Variants in SNUPN observed in about 807,000 individuals in gnomAD.
SNUPN encodes the protein snurportin 1.
Under a neutral mutation model 39.2 loss-of-function variants are expected in SNUPN, and 31 were observed. The ratio of observed to expected loss-of-function variants is 0.79; its 90% CI spans 0.59 to 1.07. The LOEUF is 1.07. SNUPN is among the 50% of genes least tolerant of loss of function. The pLI is 0.00. For synonymous variants in SNUPN, 132 were observed against 159.0 expected, an observed-to-expected ratio of 0.83 and a Z score of 1.28; for missense variants, 382 against 434.2, an observed-to-expected ratio of 0.88 and a Z score of 1.07.
At chr15:75,624,094 A>AT (rs1212954504) in intron 1 of SNUPN, among the ~76,000 whole-genome samples, 2 of 147,954 alleles carry the variant, frequency 1.4e-5, no homozygotes, top group Non-Finnish European at 3.0e-5. Context: ...CGCCCGGCTA[A>AT]TTTTTTGTAT....
chr15:75,617,602 T>G (rs920276400), intron 2 of SNUPN, 50 bp from the exon 3 acceptor site: 1 of 1,566,250 alleles, frequency 6.4e-7, no homozygotes, highest in Non-Finnish European at 8.6e-7. Context: ...CTTTTTTTTT[T>G]TTTAGACAGG....
At chr15:75,598,799 G>T (rs1054769333) in intron 8 of SNUPN, 118 bp from the exon 9 acceptor site, 4 of 698,102 alleles carry the variant, frequency 5.7e-6, no homozygotes, top group African/African-American at 5.3e-5. Flanking sequence ...GTCACTGACA[G>T]AGGAAAGAGT....
chr15:75,603,593 G>A (rs905347858), intron 7 of SNUPN, among the ~76,000 whole-genome samples: 12 of 150,380 alleles, frequency 8.0e-5, no homozygotes, highest in Admixed American at 4.0e-4. Context: ...CCTGGGAGGC[G>A]GAGCTTGCAG....
Position 75,607,247 on chromosome 15 carries a change from C to A in SNUPN, c.569G>T (p.Cys190Phe). The change falls in exon 6 of 9, where the codon TGC becomes TTC. Residue 190 changes from cysteine to phenylalanine, a missense_variant. Coordinates refer to ENST00000308588, the MANE Select transcript of SNUPN (RefSeq NM_005701.4). ...NQTYYVLDVMCWRGHPFYDCQ... is the reference protein window; with the variant it reads ...NQTYYVLDVMFWRGHPFYDCQ... Reference sequence around the variant, plus strand: ...ATCATAAAAAGGGTGTCCCCGCCAGCACATCACATCCAGAACGTAGTAGGT... The same window carrying A: ...ATCATAAAAAGGGTGTCCCCGCCAGAACATCACATCCAGAACGTAGTAGGT... The A allele has an allele frequency of 6.2e-7, 1 of 1,613,764 alleles. No individual in the cohort carries two copies. Among genetic ancestry groups the A allele is most frequent in the Middle Eastern group, 1.7e-4 (1 of 6,052 alleles).
At chr15:75,623,809 C>A (rs1893139426) in intron 1 of SNUPN, among the ~76,000 whole-genome samples, 1 of 151,798 alleles carries the variant, frequency 6.6e-6, no homozygotes, top group African/African-American at 2.4e-5. Context: ...ACTGAGGCCT[C>A]ATGATGAGTG....
At chr15:75,621,165 T>G in intron 1 of SNUPN, 109 bp from the exon 2 acceptor site, 1 of 1,064,934 alleles carries the variant, frequency 9.4e-7, no homozygotes, top group Non-Finnish European at 1.4e-6. Context: ...AAAAATTAAC[T>G]TAATGCAAAA....
At chr15:75,613,642 CAA>C (rs58623437) in intron 3 of SNUPN, among the ~76,000 whole-genome samples, 9 of 128,538 alleles carry the variant, frequency 7.0e-5, no homozygotes, top group Admixed American at 1.7e-4. Flanking sequence ...GACTCCAACT[CAA>C]AAAAAAAAAA....
At chr15:75,612,154 TC>T (rs1394945670) in intron 3 of SNUPN, among the ~76,000 whole-genome samples, 1 of 151,198 alleles carries the variant, frequency 6.6e-6, no homozygotes, top group East Asian at 2.0e-4. Context: ...CATTTTAGCC[TC>T]CCTAGTAGCC....
In SNUPN at chr15:75,624,317, T is replaced by C. The variant is rs572565925; in HGVS notation, c.-6+1349A>G. 7.3e-5 allele frequency among the ~76,000 whole-genome samples: 11 copies of C among 151,512 alleles called. No homozygotes were observed. The South Asian group carries it at 2.3e-3, about 32-fold the overall frequency. ...CACCTTTATTAGGCCTATCATGCAC[T>C]ATCTTGGTGTGGGCTCCCGCTCTGC... On this transcript the variant is annotated intron_variant, in intron 1 of 8. Coordinates refer to ENST00000308588, the MANE Select transcript of SNUPN (RefSeq NM_005701.4).
chr15:75,620,196 C>T (rs1893033149), intron 2 of SNUPN, among the ~76,000 whole-genome samples: 2 of 152,142 alleles, frequency 1.3e-5, no homozygotes, highest in African/African-American at 4.8e-5. Flanking sequence ...CAAACACAAC[C>T]AGTGATGCAA....
At chr15:75,618,427 A>C (rs1892989783) in intron 2 of SNUPN, among the ~76,000 whole-genome samples, 1 of 152,226 alleles carries the variant, frequency 6.6e-6, no homozygotes, top group Non-Finnish European at 1.5e-5. Flanking sequence ...CTTTCAAAAA[A>C]GGTCACTTAG....
intron 8 of SNUPN, among the ~76,000 whole-genome samples, chr15:75,600,476 T>C (rs948910703): frequency 2.8e-4 from 43 of 152,124 alleles, no homozygotes; most frequent in African/African-American, 9.9e-4. Flanking sequence ...GGTTTTGCCA[T>C]GTTGGCCAGG....
Position 75,598,425 on chromosome 15 carries a change from A to C in SNUPN, c.1016T>G (p.Leu339Arg), listed in dbSNP as rs939738863. 53 of 1,614,262 alleles carry C rather than the reference A, an allele frequency of 3.3e-5. No homozygotes were observed. Among genetic ancestry groups the C allele is most frequent in the Non-Finnish European group, 4.4e-5 (52 of 1,180,046 alleles). ...AGAACCCTTCAACTTGGGAGTAGAC[A>C]GGTGCTCCAATTCATAGTGCCCATT... ...SENGHYELEH[L>R]STPKLKGSSH... is the part of the protein sequence containing the mutation. The change falls in exon 9 of 9, where the codon CTG becomes CGG. Residue 339 changes from leucine (L) to arginine (R), a missense_variant. Leu to Arg is a moderately radical substitution (Grantham distance 102). Transcript: ENST00000308588.
intron 3 of SNUPN, among the ~76,000 whole-genome samples, chr15:75,611,987 A>C (rs1167479225): frequency 1.3e-5 from 2 of 151,470 alleles, no homozygotes; most frequent in Non-Finnish European, 2.9e-5. Context: ...CCTACCCCAC[A>C]GTCCTACTGA....
At chr15:75,600,442 T>G (rs1463201754) in intron 8 of SNUPN, among the ~76,000 whole-genome samples, 1 of 152,014 alleles carries the variant, frequency 6.6e-6, no homozygotes, top group Non-Finnish European at 1.5e-5. Context: ...GCCCAGCTAA[T>G]TTTTGTATTT....
chr15:75,611,464 G>A (rs1185947526), intron 3 of SNUPN, among the ~76,000 whole-genome samples: 3 of 151,482 alleles, frequency 2.0e-5, no homozygotes, highest in Non-Finnish European at 2.9e-5. Flanking sequence ...GTGTTAGCCA[G>A]GATGGTCTCG....
At chr15:75,621,298 T>C (rs114379770) in intron 1 of SNUPN, among the ~76,000 whole-genome samples, 322 of 148,508 alleles carry the variant, frequency 2.2e-3, no homozygotes, top group African/African-American at 7.4e-3. Context: ...TCTCTCTCTA[T>C]CACCCAGGTC....
chr15:75,613,467 A>G (rs1892848291), intron 3 of SNUPN, among the ~76,000 whole-genome samples: 1 of 150,376 alleles, frequency 6.6e-6, no homozygotes, highest in African/African-American at 2.4e-5. Flanking sequence ...ATACGCTGAA[A>G]CCCCGTCTCT....
chr15:75,609,901 C>A lies in SNUPN; in HGVS notation c.397G>T (p.Val133Leu). 1 of 1,613,740 alleles carries A rather than the reference C, an allele frequency of 6.2e-7. No homozygotes were observed. The highest frequency in any genetic ancestry group is 8.5e-7 in the Non-Finnish European group (1 of 1,179,732). Residue 133 changes from valine to leucine, a missense_variant, in exon 4 of 9, where the codon GTG becomes TTG. Transcript: ENST00000308588. ...AGGCAGCTACTCACCCTGGAGGCCA[C>A]GATAAGGGCTCTTTTTCCAACAGGG... ...VCPVGKRALI[V>L]ASRGSTSAYT...
Sources: gnomAD v4.1 joint callset for allele counts (sites outside exome capture counted in the v4.1 genomes callset) on GRCh38, gnomAD v4.1.1 for gene constraint, MANE v1.5 for transcripts, NCBI Gene and HGNC (gene_info 2026-07-23, HGNC 2026-07-21) for gene names.